Variants in A2M observed in about 807,000 individuals in gnomAD.
A2M encodes alpha-2-macroglobulin.
A neutral mutation model predicts 183.9 loss-of-function variants in A2M; 128 were observed. That is an observed-to-expected ratio of 0.70 (90% CI 0.60 to 0.81). A2M has a LOEUF of 0.81. Ranked by LOEUF, A2M falls within the 30% of genes least tolerant of loss-of-function variation. The pLI is 0.00. For missense variants in A2M, 1,495 were observed against 1,787.6 expected, an observed-to-expected ratio of 0.84 and a Z score of 2.95; for synonymous variants, 592 against 670.8, an observed-to-expected ratio of 0.88 and a Z score of 1.81.
At chr12:9,113,567 G>C (rs759279029) in intron 1 of A2M, 24 bp from the exon 2 acceptor site, 3 of 1,604,802 alleles carry the variant, frequency 1.9e-6, no homozygotes, top group Non-Finnish European at 2.6e-6. Flanking sequence ...GGTTCAGTTA[G>C]AGGAAAGTGA....
In A2M at chr12:9,109,740, A is replaced by G; in HGVS notation, c.673+127T>C. The G allele has an allele frequency of 3.3e-6, 3 of 919,710 alleles. No homozygotes were observed. The South Asian group carries it at 5.9e-5, about 18-fold the overall frequency. 57.0% of individuals were successfully genotyped at this position (919,710 alleles called of 1,614,324 possible). A position where few individuals can be genotyped will look rare whatever the true frequency, so the allele number is the denominator to read the frequency against. ...GATGTCCTCATTGGACTTAGGTGTAATTAATTCTACTCCAAGCCCAATGTC... is the reference window on the plus strand; with the variant it reads ...GATGTCCTCATTGGACTTAGGTGTAGTTAATTCTACTCCAAGCCCAATGTC... On this transcript the variant is annotated intron_variant, in intron 6 of 35. Coordinates refer to ENST00000318602, the MANE Select transcript of A2M (RefSeq NM_000014.6).
upstream of A2M, chr12:9,116,040 G>A (rs1939096504): frequency 1.6e-6 from 1 of 626,152 alleles, no homozygotes; most frequent in Non-Finnish European, 3.0e-6. Flanking sequence ...GTCATTGATG[G>A]CCTATTTATA....
chr12:9,113,305 C>T, intron 2 of A2M, 55 bp downstream of exon 2: 1 of 1,570,008 alleles, frequency 6.4e-7, no homozygotes, highest in South Asian at 1.2e-5. Flanking sequence ...AATACTAGAT[C>T]CCTATGACCC....
intron 13 of A2M, 85 bp from the exon 14 acceptor site, chr12:9,099,608 G>A (rs1937667915): frequency 6.9e-7 from 1 of 1,447,776 alleles, no homozygotes; most frequent in Admixed American, 2.5e-5. Flanking sequence ...ATAAACAGTA[G>A]ATGTAACAAA....
At chr12:9,089,675 A>C (rs373941380) in intron 21 of A2M, among the ~76,000 whole-genome samples, 4 of 152,182 alleles carry the variant, frequency 2.6e-5, no homozygotes, top group African/African-American at 9.7e-5. Flanking sequence ...CAGGAGGCGG[A>C]GGTTGCAGTG....
chr12:9,077,802 CG>C lies in A2M; in HGVS notation c.3174del (p.Ile1058MetfsTer34). Reference sequence around the variant, plus strand: ...AGGGCTTGGGTAATGTGTGCTTCATCGATGAAGATGTAGGCTCGAGCTTGGG... The same window carrying C: ...AGGGCTTGGGTAATGTGTGCTTCATCATGAAGATGTAGGCTCGAGCTTGGG... Reference protein sequence around the residue: ...TFAQARAYIFIDEAHITQALI... With the variant: ...TFAQARAYIFXDEAHITQALI... On this transcript the variant is annotated frameshift_variant, in exon 26 of 36. Coordinates refer to ENST00000318602, the MANE Select transcript of A2M (RefSeq NM_000014.6). LOFTEE classifies it high-confidence loss of function. 1 of 1,614,146 alleles carries C rather than the reference CG, an allele frequency of 6.2e-7. No homozygotes were observed. Among genetic ancestry groups the C allele is most frequent in the Non-Finnish European group, 8.5e-7 (1 of 1,180,008 alleles).
At position 9,109,382 on chromosome 12, in the gene A2M, CT is replaced by C; in HGVS notation, c.696del (p.Val233Ter). The C allele has an allele frequency of 1.2e-6, 2 of 1,613,258 alleles. No individual in the cohort carries two copies. Among genetic ancestry groups the C allele is most frequent in the Non-Finnish European group, 8.5e-7 (1 of 1,179,470 alleles). On this transcript the variant is annotated frameshift_variant, in exon 7 of 36. Transcript: ENST00000318602. LOFTEE classifies it high-confidence loss of function. ...EEFVLPKFEV[Q>X]VTVPKIITIL... ...ATGGTGATTATCTTTGGCACTGTTA[CT>C]TGTACTTCAAACTTGGGAAGAACTG...
Position 9,091,258 on chromosome 12 carries a change from A to G in A2M, c.2412T>C (p.Arg804=), listed in dbSNP as rs1248792567. The G allele has an allele frequency of 6.2e-7, 1 of 1,614,080 alleles. No individual in the cohort carries two copies. Among genetic ancestry groups the G allele is most frequent in the South Asian group, 1.1e-5 (1 of 91,084 alleles). Residue 804 remains arginine, a synonymous_variant, in exon 19 of 36, where the codon CGT becomes CGC. Transcript: ENST00000318602. ...VELTMPYSVI[R]GEAFTLKATV... is the part of the protein sequence containing the mutation. ...TGGCCTTGAGTGTGAAGGCCTCTCC[A>G]CGAATCACAGAGTAAGGCATTGTGA... is the stretch of plus-strand genomic sequence containing the variant.
Position 9,076,792 on chromosome 12 carries a change from C to T in A2M, c.3496G>A (p.Val1166Ile), listed in dbSNP as rs1403244473. The change falls in exon 28 of 36, where the codon GTA becomes ATA. Residue 1166 changes from valine (V) to isoleucine (I), a missense_variant. Coordinates refer to ENST00000318602, the MANE Select transcript of A2M (RefSeq NM_000014.6). ...LAGNQDKRKE[V>I]LKSLNEEAVK... Reference sequence around the variant, plus strand: ...GCTTCCTCATTAAGTGACTTGAGTACTTCCTTCCTCTTGTCCTGGTTACCT... The same window carrying T: ...GCTTCCTCATTAAGTGACTTGAGTATTTCCTTCCTCTTGTCCTGGTTACCT... The T allele has an allele frequency of 6.2e-7, 1 of 1,613,946 alleles. No individual in the cohort carries two copies. The highest frequency in any genetic ancestry group is 1.7e-5 in the Admixed American group (1 of 60,010).
In A2M at chr12:9,113,514, A is replaced by G; in HGVS notation, c.116T>C (p.Leu39Pro). 1 of 1,613,856 alleles carries G rather than the reference A, an allele frequency of 6.2e-7. No homozygotes were observed. Among genetic ancestry groups the G allele is most frequent in the Middle Eastern group, 1.7e-4 (1 of 6,060 alleles). Residue 39 changes from leucine to proline, a missense_variant, in exon 2 of 36, where the codon CTC (leucine) becomes CCC (proline). By Grantham distance (98) the Leu-to-Pro change is moderately conservative. Transcript: ENST00000318602. ...PQYMVLVPSLLHTETTEKGCV... is the reference protein window; with the variant it reads ...PQYMVLVPSLPHTETTEKGCV... ...GCCCTTCTCAGTGGTCTCAGTGTGG[A>G]GCAGGGAGGGGACCAGAACCATATA...
At position 9,077,701 on chromosome 12, in the gene A2M, C is replaced by G; in HGVS notation, c.3276G>C (p.Lys1092Asn). ...CAAAACTAGCTCCAGAATGATTCAC[C>G]TTTATGGCATTGTTGAGCAGTGACC... ...SSGSLLNNAI[K>N]GGVEDEVTLS... Residue 1092 changes from lysine to asparagine, a missense_variant and splice_region_variant, in exon 26 of 36, where the codon AAG becomes AAC. Transcript: ENST00000318602. The G allele has an allele frequency of 6.2e-7, 1 of 1,613,968 alleles. No individual in the cohort carries two copies. The highest frequency in any genetic ancestry group is 8.5e-7 in the Non-Finnish European group (1 of 1,179,922).
chr12:9,099,879 G>C lies in A2M; in HGVS notation c.1559-356C>G, dbSNP rs369829330. On this transcript the variant is annotated intron_variant, in intron 13 of 35. Coordinates refer to ENST00000318602, the MANE Select transcript of A2M (RefSeq NM_000014.6). ...TCAACACATTGTATTCATGCTACAT[G>C]CTCTTTAACCTTCTATGAGCCAATA... 3.3e-5 allele frequency among the ~76,000 whole-genome samples: 5 copies of C among 152,308 alleles called. No individual in the cohort carries two copies. In the South Asian group the frequency reaches 6.2e-4, roughly 19 times the overall value.
chr12:9,068,715 C>A lies in A2M; in HGVS notation c.4366+25G>T, dbSNP rs1948469789. The A allele has an allele frequency of 3.3e-6, 5 of 1,524,362 alleles. No homozygotes were observed. The East Asian group carries it at 1.2e-4, about 35-fold the overall frequency. The allele number at this position is 1,524,362 out of a possible 1,614,324, so 94.4% of individuals were successfully genotyped here. A position where few individuals can be genotyped will look rare whatever the true frequency, so the allele number is the denominator to read the frequency against. ...TTCTGTGATCAGGAATTAAATATTT[C>A]TACGTGAAAATCACTCTCACTCACC... On this transcript the variant is annotated intron_variant, in intron 34 of 35. Coordinates refer to ENST00000318602, the MANE Select transcript of A2M (RefSeq NM_000014.6).
At chr12:9,072,996 G>A (rs1948626389) in intron 29 of A2M, 125 bp from the exon 30 acceptor site, 1 of 674,400 alleles carries the variant, frequency 1.5e-6, no homozygotes, top group African/African-American at 1.8e-5. Context: ...AAATATAGGA[G>A]CTGTAATTTC....
chr12:9,069,705 T>C (rs1948506584), intron 33 of A2M, 40 bp downstream of exon 33: 1 of 1,527,686 alleles, frequency 6.5e-7, no homozygotes, highest in Admixed American at 1.7e-5. Flanking sequence ...AGAGGATTAT[T>C]ATCTACGTTT....
intron 35 of A2M, 147 bp from the exon 36 acceptor site, chr12:9,067,986 T>G: frequency 1.0e-6 from 1 of 974,852 alleles, no homozygotes; most frequent in Non-Finnish European, 1.6e-6. Flanking sequence ...TCATTACCCA[T>G]AAGCAATCCT....
Position 9,089,974 on chromosome 12 carries a change from C to T in A2M, c.2646G>A (p.Leu882=). The change falls in exon 21 of 36, where the codon CTG becomes CTA. Residue 882 remains leucine (L), a synonymous_variant. Coordinates refer to ENST00000318602, the MANE Select transcript of A2M (RefSeq NM_000014.6). Reference sequence around the variant, plus strand: ...GAACTGAAGGCACCTCAGTCCCACACAGCTCTTGAGACTCTAGTGCCTCTG... The same window carrying T: ...GAACTGAAGGCACCTCAGTCCCACATAGCTCTTGAGACTCTAGTGCCTCTG... ...VSAEALESQE[L]CGTEVPSVPE... 1 of 1,611,174 alleles carries T rather than the reference C, an allele frequency of 6.2e-7. No individual in the cohort carries two copies. Among genetic ancestry groups the T allele is most frequent in the South Asian group, 1.1e-5 (1 of 90,928 alleles).
At position 9,067,722 on chromosome 12, in the gene A2M, A is replaced by C; in HGVS notation, c.*101T>G. 1 of 1,016,656 alleles carries C rather than the reference A, an allele frequency of 9.8e-7. No individual in the cohort carries two copies. Among genetic ancestry groups the C allele is most frequent in the Non-Finnish European group, 1.5e-6 (1 of 653,640 alleles). 63.0% of individuals were successfully genotyped at this position (1,016,656 alleles called of 1,614,324 possible). On this transcript the variant is annotated 3_prime_UTR_variant, in exon 36 of 36. Coordinates refer to ENST00000318602, the MANE Select transcript of A2M (RefSeq NM_000014.6). ...AAACAGGGAAAGACATTGACCAGAA[A>C]AAGTGTTTATTCATCAAGTCTTTAA...
intron 5 of A2M, 73 bp from the exon 6 acceptor site, chr12:9,110,108 A>C: frequency 6.7e-7 from 1 of 1,494,114 alleles, no homozygotes. Flanking sequence ...ATCTATGGAA[A>C]CCCTAAGTTA....
Sources: allele counts gnomAD v4.1 joint callset (sites outside exome capture counted in the v4.1 genomes callset), GRCh38; gene constraint gnomAD v4.1.1; transcripts MANE v1.5; gene names NCBI Gene and HGNC (gene_info 2026-07-23, HGNC 2026-07-21).